The following PPP1R9A variants were observed in gnomAD, a reference collection of about 807,000 sequenced individuals.
PPP1R9A encodes the protein neurabin-1.
PPP1R9A carries 59 observed loss-of-function variants against 141.9 expected under a neutral mutation model. The observed-to-expected ratio is 0.42, with a 90% confidence interval of 0.34 to 0.52. The LOEUF (loss-of-function observed/expected upper bound fraction) is 0.52, where lower values mean the gene tolerates loss of function less well. Ranked by LOEUF, PPP1R9A falls within the 20% of genes least tolerant of loss-of-function variation. The probability of loss-of-function intolerance (pLI) is 0.10; values close to 1 mark genes in which losing one functional copy is unlikely to be tolerated. For synonymous variants in PPP1R9A, 500 were observed against 569.7 expected, an observed-to-expected ratio of 0.88 and a Z score of 1.74; for missense variants, 1,444 against 1,611.9, an observed-to-expected ratio of 0.90 and a Z score of 1.78.
At chr7:95,075,662 C>G (rs559441009) in intron 2 of PPP1R9A, among the ~76,000 whole-genome samples, 1 of 151,964 alleles carries the variant, frequency 6.6e-6, no homozygotes, top group East Asian at 1.9e-4. Context: ...GGTGAAACCC[C>G]GTCTCTACTA....
rs189417086 is a variant in PPP1R9A at position 95,026,187 on chromosome 7, C to T, written c.1396-85072C>T. ...GTTTGGAATTTTCAGCCTTTTCATG[C>T]TGGTTTCTTCTGATCTTTGTGGATT... is the stretch of plus-strand genomic sequence containing the variant. On this transcript the variant is annotated intron_variant, in intron 2 of 19. Transcript: ENST00000433360. 4.6e-5 allele frequency among the ~76,000 whole-genome samples: 7 copies of T among 152,310 alleles called. No homozygotes were observed. The East Asian group carries it at 1.4e-3, about 29-fold the overall frequency.
At chr7:94,983,113 C>G (rs1451710983) in intron 2 of PPP1R9A, among the ~76,000 whole-genome samples, 2 of 152,078 alleles carry the variant, frequency 1.3e-5, no homozygotes, top group Non-Finnish European at 2.9e-5. Flanking sequence ...TTGTTTTTGT[C>G]AAATTTGTCA....
At chr7:95,016,294 TA>T (rs1438758848) in intron 2 of PPP1R9A, among the ~76,000 whole-genome samples, 2 of 151,992 alleles carry the variant, frequency 1.3e-5, no homozygotes, top group Non-Finnish European at 2.9e-5. Flanking sequence ...CTACAGACAT[TA>T]AAAGGATAAT....
At chr7:95,168,556 T>G (rs966737486) in intron 5 of PPP1R9A, among the ~76,000 whole-genome samples, 1 of 151,474 alleles carries the variant, frequency 6.6e-6, no homozygotes, top group African/African-American at 2.4e-5. Context: ...ACTATATTAA[T>G]CTAAAAGACT....
intron 8 of PPP1R9A, among the ~76,000 whole-genome samples, chr7:95,229,315 A>G (rs986735657): frequency 6.6e-6 from 1 of 152,010 alleles, no homozygotes; most frequent in Admixed American, 6.6e-5. Context: ...TAAAATGCCA[A>G]AAAAGTGTGA....
intron 4 of PPP1R9A, among the ~76,000 whole-genome samples, chr7:95,154,209 T>C (rs897773012): frequency 6.6e-6 from 1 of 152,082 alleles, no homozygotes; most frequent in Non-Finnish European, 1.5e-5. Flanking sequence ...TTTGGTAAGT[T>C]GTGTTTCCAT....
chr7:94,921,432 G>A (rs1296842036), intron 2 of PPP1R9A, among the ~76,000 whole-genome samples: 1 of 148,896 alleles, frequency 6.7e-6, no homozygotes, highest in Non-Finnish European at 1.5e-5. Context: ...GGGCGACAGA[G>A]CTAGACTCCG....
chr7:94,913,324 G>C (rs1028699315), intron 2 of PPP1R9A, among the ~76,000 whole-genome samples: 2 of 152,092 alleles, frequency 1.3e-5, no homozygotes, highest in Admixed American at 6.6e-5. Flanking sequence ...ATATTTTGAA[G>C]TTCAACTAAT....
chr7:95,035,365 G>A (rs535226627), intron 2 of PPP1R9A, among the ~76,000 whole-genome samples: 1 of 152,048 alleles, frequency 6.6e-6, no homozygotes, highest in East Asian at 1.9e-4. Context: ...ACTCCACATT[G>A]TACATAGAGC....
At chr7:95,273,328 C>A (rs1802520851) in intron 14 of PPP1R9A, among the ~76,000 whole-genome samples, 2 of 152,158 alleles carry the variant, frequency 1.3e-5, no homozygotes, top group Admixed American at 1.3e-4. Flanking sequence ...AGGAGTCTCC[C>A]CCATGTCCTC....
intron 7 of PPP1R9A, among the ~76,000 whole-genome samples, chr7:95,206,053 C>G (rs1790727352): frequency 6.6e-6 from 1 of 152,292 alleles, no homozygotes; most frequent in South Asian, 2.1e-4. Context: ...AACATGCCTT[C>G]TTTTTAGTCA....
intron 2 of PPP1R9A, among the ~76,000 whole-genome samples, chr7:94,919,399 C>G (rs1464726078): frequency 6.6e-6 from 1 of 150,852 alleles, no homozygotes; most frequent in African/African-American, 2.4e-5. Context: ...CTTGCCTCAC[C>G]CTCCCAAAAT....
At chr7:95,232,510 A>C (rs1585374995) in intron 8 of PPP1R9A, among the ~76,000 whole-genome samples, 1 of 152,196 alleles carries the variant, frequency 6.6e-6, no homozygotes, top group African/African-American at 2.4e-5. Flanking sequence ...ACAAAAGCCA[A>C]AGTTGACAAA....
chr7:95,012,104 T>C (rs1804505338), intron 2 of PPP1R9A, among the ~76,000 whole-genome samples: 1 of 152,162 alleles, frequency 6.6e-6, no homozygotes, highest in South Asian at 2.1e-4. Flanking sequence ...CCCCTGGTAT[T>C]AGTCAGTTCT....
chr7:95,222,777 C>T (rs975452064), intron 7 of PPP1R9A, among the ~76,000 whole-genome samples: 5 of 151,942 alleles, frequency 3.3e-5, no homozygotes, highest in Admixed American at 3.3e-4. Context: ...CAACATTGTT[C>T]ATCTTCCTTT....
At chr7:95,205,394 T>G (rs989562692) in intron 7 of PPP1R9A, among the ~76,000 whole-genome samples, 1 of 152,208 alleles carries the variant, frequency 6.6e-6, no homozygotes, top group Admixed American at 6.5e-5. Context: ...GAAACAATGC[T>G]AGAACAATTC....
At chr7:95,230,707 C>A (rs932747428) in intron 8 of PPP1R9A, among the ~76,000 whole-genome samples, 1 of 152,058 alleles carries the variant, frequency 6.6e-6, no homozygotes, top group African/African-American at 2.4e-5. Context: ...GGAGAGAAAT[C>A]TAAAAGTTTG....
Position 94,987,111 on chromosome 7 carries a change from C to T in PPP1R9A, c.1395+75603C>T, listed in dbSNP as rs183569329. On this transcript the variant is annotated intron_variant, in intron 2 of 19. Transcript: ENST00000433360. ...TAAAAATAAAATGTTTGCAAATGGTCAGAAATTGATAAAATATCAACCAGA... is the reference window on the plus strand; with the variant it reads ...TAAAAATAAAATGTTTGCAAATGGTTAGAAATTGATAAAATATCAACCAGA... Among the ~76,000 whole-genome samples, 231 of 152,256 alleles carry T rather than the reference C, an allele frequency of 1.5e-3. 2 individuals are homozygous for T. Among genetic ancestry groups the T allele is most frequent in the African/African-American group, 5.0e-3 (206 of 41,554 alleles).
At chr7:95,103,935 A>G (rs943983254) in intron 2 of PPP1R9A, among the ~76,000 whole-genome samples, 23 of 152,176 alleles carry the variant, frequency 1.5e-4, no homozygotes, top group Non-Finnish European at 2.9e-4. Context: ...TTATGGGAGT[A>G]ACTTTGTTTT....
Sources: gnomAD v4.1 joint callset for allele counts (sites outside exome capture counted in the v4.1 genomes callset) on GRCh38, gnomAD v4.1.1 for gene constraint, MANE v1.5 for transcripts, NCBI Gene and HGNC (gene_info 2026-07-23, HGNC 2026-07-21) for gene names.